Variants in ZBTB7C observed in about 807,000 individuals in gnomAD.
ZBTB7C encodes zinc finger and BTB domain containing 7C.
ZBTB7C carries 8 observed loss-of-function variants against 25.7 expected under a neutral mutation model. The ratio of observed to expected loss-of-function variants is 0.31; its 90% CI spans 0.18 to 0.56. ZBTB7C has a LOEUF of 0.56. ZBTB7C is among the 20% of genes least tolerant of loss of function. The pLI is 0.91. For missense variants in ZBTB7C, 824 were observed against 855.2 expected (o/e 0.96, Z 0.46); for synonymous variants, 394 against 369.0 (o/e 1.07, Z -0.78).
chr18:48,117,568 T>C (rs1205947421), intron 3 of ZBTB7C, among the ~76,000 whole-genome samples: 1 of 152,186 alleles, frequency 6.6e-6, no homozygotes, highest in Non-Finnish European at 1.5e-5. Flanking sequence ...ATGGGAATAA[T>C]AAACAGACCT....
chr18:48,064,044 G>A (rs1322203343), intron 3 of ZBTB7C, among the ~76,000 whole-genome samples: 2 of 152,154 alleles, frequency 1.3e-5, no homozygotes, highest in African/African-American at 4.8e-5. Flanking sequence ...GGAAATTTGA[G>A]CAATATGGCC....
intron 3 of ZBTB7C, among the ~76,000 whole-genome samples, chr18:48,159,746 T>A (rs2040943630): frequency 6.6e-6 from 1 of 152,242 alleles, no homozygotes; most frequent in Non-Finnish European, 1.5e-5. Flanking sequence ...TTCTCCTACT[T>A]TTACTTTTTA....
intron 3 of ZBTB7C, among the ~76,000 whole-genome samples, chr18:48,101,095 G>C (rs1372289430): frequency 3.3e-5 from 5 of 152,026 alleles, no homozygotes; most frequent in Admixed American, 3.3e-4. Flanking sequence ...CAGCCCACAG[G>C]CCCAGCCCAG....
At chr18:48,167,561 A>AGG (rs1301258412) in intron 3 of ZBTB7C, among the ~76,000 whole-genome samples, 570 of 30,710 alleles carry the variant, frequency 0.019, 6 homozygotes, top group African/African-American at 0.053. Flanking sequence ...CTGCATTGCT[A>AGG]GGGTGTGTGT....
At chr18:48,336,676 T>C (rs1168898492) in intron 2 of ZBTB7C, among the ~76,000 whole-genome samples, 1 of 152,182 alleles carries the variant, frequency 6.6e-6, no homozygotes, top group East Asian at 1.9e-4. Flanking sequence ...CTGGTCTTCA[T>C]CAGGAGGCAT....
rs1362749132 is a variant in ZBTB7C at position 48,062,696 on chromosome 18, C to A, written c.-16-21573G>T. Among the ~76,000 whole-genome samples, 8 of 152,296 alleles carry A rather than the reference C, an allele frequency of 5.3e-5. No homozygotes were observed. In the South Asian group the frequency reaches 1.0e-3, roughly 20 times the overall value. ...TCCATTCTAGAACATCTGAGAGCAT[C>A]CAAAGGCTAAAAACTGGGATAACTC... On this transcript the variant is annotated intron_variant, in intron 3 of 4. Coordinates refer to ENST00000590800, the MANE Select transcript of ZBTB7C (RefSeq NM_001318841.2).
intron 2 of ZBTB7C, 58 bp downstream of exon 2, chr18:48,338,116 T>C (rs2046498153): frequency 6.6e-6 from 1 of 152,230 alleles, no homozygotes; most frequent in African/African-American, 2.4e-5. Context: ...TGCAAGCTGA[T>C]ATATTCTCCT....
intron 3 of ZBTB7C, among the ~76,000 whole-genome samples, chr18:48,102,292 A>T (rs766244396): frequency 2.6e-5 from 4 of 152,208 alleles, no homozygotes; most frequent in Non-Finnish European, 5.9e-5. Context: ...GGCAGGGTGC[A>T]GTGGCTCGCA....
chr18:48,397,105 CA>C (rs532160877), intron 1 of ZBTB7C, among the ~76,000 whole-genome samples: 78 of 152,322 alleles, frequency 5.1e-4, no homozygotes, highest in African/African-American at 1.6e-3. Flanking sequence ...TACTTGGTAT[CA>C]AGTGGATAAT....
At chr18:48,071,018 G>A (rs1568194029) in intron 3 of ZBTB7C, among the ~76,000 whole-genome samples, 1 of 152,182 alleles carries the variant, frequency 6.6e-6, no homozygotes, top group South Asian at 2.1e-4. Flanking sequence ...GTTCTTAAGG[G>A]GAGAGAGCAT....
intron 2 of ZBTB7C, among the ~76,000 whole-genome samples, chr18:48,303,312 G>C (rs1017591510): frequency 2.0e-5 from 3 of 152,184 alleles, no homozygotes; most frequent in Admixed American, 1.3e-4. Context: ...AATCACCAAG[G>C]CTCCCCAACC....
At chr18:48,100,948 C>T (rs1027805881) in intron 3 of ZBTB7C, among the ~76,000 whole-genome samples, 8 of 152,002 alleles carry the variant, frequency 5.3e-5, no homozygotes, top group Non-Finnish European at 8.8e-5. Flanking sequence ...TAGTGGGGAA[C>T]GGGGAAGGCA....
chr18:48,405,139 G>GA (rs1338056639), intron 1 of ZBTB7C, among the ~76,000 whole-genome samples: 1 of 152,050 alleles, frequency 6.6e-6, no homozygotes, highest in South Asian at 2.1e-4. Context: ...CCAACCCAGG[G>GA]AAAAAATCTG....
intron 1 of ZBTB7C, among the ~76,000 whole-genome samples, chr18:48,378,535 T>A (rs111946497): frequency 0.036 from 5,490 of 152,212 alleles, 351 homozygotes; most frequent in African/African-American, 0.13. Flanking sequence ...GGTTCTCCAA[T>A]AAAACCCATT....
intron 1 of ZBTB7C, among the ~76,000 whole-genome samples, chr18:48,338,940 C>G (rs980732628): frequency 2.0e-5 from 3 of 152,010 alleles, no homozygotes; most frequent in Admixed American, 2.0e-4. Context: ...TAGGACACCC[C>G]ACCTATGGCT....
intron 3 of ZBTB7C, among the ~76,000 whole-genome samples, chr18:48,052,097 T>A (rs2144253372): frequency 6.6e-6 from 1 of 152,314 alleles, no homozygotes; most frequent in Non-Finnish European, 1.5e-5. Context: ...ATAAAATAAA[T>A]CACTCGTCTC....
intron 3 of ZBTB7C, among the ~76,000 whole-genome samples, chr18:48,100,465 G>A (rs2144607671): frequency 6.6e-6 from 1 of 152,212 alleles, no homozygotes; most frequent in East Asian, 1.9e-4. Context: ...CTTGCTAATG[G>A]GGAAATAAAT....
At chr18:48,320,401 C>A (rs1349732093) in intron 2 of ZBTB7C, among the ~76,000 whole-genome samples, 1 of 152,182 alleles carries the variant, frequency 6.6e-6, no homozygotes, top group Non-Finnish European at 1.5e-5. Context: ...CTCAGCAAGG[C>A]AGGAAACATC....
intron 1 of ZBTB7C, chr18:48,375,608 C>CAA (rs895812735): frequency 6.6e-6 from 1 of 152,208 alleles, no homozygotes; most frequent in Non-Finnish European, 1.5e-5. Context: ...CACACACACA[C>CAA]AGCAATTGCA....
Sources: allele counts gnomAD v4.1 joint callset (sites outside exome capture counted in the v4.1 genomes callset), GRCh38; gene constraint gnomAD v4.1.1; transcripts MANE v1.5; gene names NCBI Gene and HGNC (gene_info 2026-07-23, HGNC 2026-07-21).